The following ADHFE1 variants were observed in gnomAD, a reference collection of about 807,000 sequenced individuals.
ADHFE1 encodes alcohol dehydrogenase iron containing 1.
Under a neutral mutation model 54.8 loss-of-function variants are expected in ADHFE1, and 37 were observed. That is an observed-to-expected ratio of 0.68 (90% confidence interval 0.52 to 0.89). The LOEUF (loss-of-function observed/expected upper bound fraction) is 0.89. Among genes scored for constraint, ADHFE1 ranks in the 40% least tolerant of loss-of-function variants. The pLI, the probability that ADHFE1 is intolerant of heterozygous loss-of-function variation, is 0.00. For missense variants in ADHFE1, 601 were observed against 591.2 expected (o/e 1.02, Z -0.17); for synonymous variants, 203 against 229.3 (o/e 0.89, Z 1.04).
intron 3 of ADHFE1, among the ~76,000 whole-genome samples, chr8:66,443,358 A>G (rs573246695): frequency 3.6e-4 from 50 of 139,288 alleles, no homozygotes; most frequent in African/African-American, 1.1e-3. Context: ...GCTCACTACA[A>G]CCTCCGCCTC....
At chr8:66,443,739 G>C (rs901912109) in intron 3 of ADHFE1, among the ~76,000 whole-genome samples, 4 of 151,780 alleles carry the variant, frequency 2.6e-5, no homozygotes, top group Admixed American at 2.6e-4. Flanking sequence ...TGCATTCCCA[G>C]TTTGCTGGAT....
chr8:66,452,120 A>G lies in ADHFE1; in HGVS notation c.887+15A>G. 6.2e-7 allele frequency: 1 copy of G among 1,613,272 alleles called. No individual in the cohort carries two copies. The highest frequency in any genetic ancestry group is 8.5e-7 in the Non-Finnish European group (1 of 1,179,762). Reference sequence around the variant, plus strand: ...TATCTGAAGAGGTATGTCACCCCGAAGGGGATAGAAATAGAACAGGAGGCC... The same window carrying G: ...TATCTGAAGAGGTATGTCACCCCGAGGGGGATAGAAATAGAACAGGAGGCC... On this transcript the variant is annotated intron_variant, in intron 9 of 13. Coordinates refer to ENST00000396623, the MANE Select transcript of ADHFE1 (RefSeq NM_144650.3).
intron 13 of ADHFE1, among the ~76,000 whole-genome samples, chr8:66,461,640 C>T (rs923135294): frequency 4.6e-5 from 7 of 151,840 alleles, no homozygotes; most frequent in African/African-American, 1.5e-4. Flanking sequence ...CCAGAAAGCA[C>T]GTGACCCATC....
intron 13 of ADHFE1, among the ~76,000 whole-genome samples, 176 bp downstream of exon 13, chr8:66,460,641 C>T (rs552179421): frequency 2.6e-5 from 4 of 152,188 alleles, no homozygotes; most frequent in South Asian, 2.1e-4. Flanking sequence ...GCCAGGCCCT[C>T]GCCTTTCTGT....
intron 12 of ADHFE1, among the ~76,000 whole-genome samples, chr8:66,458,156 T>G (rs115362031): frequency 6.6e-6 from 1 of 152,250 alleles, no homozygotes; most frequent in African/African-American, 2.4e-5. Context: ...TTAAGTAGAC[T>G]TGAATATTTT....
At chr8:66,432,613 G>T in intron 1 of ADHFE1, 38 bp downstream of exon 1, 1 of 1,286,356 alleles carries the variant, frequency 7.8e-7, no homozygotes. Flanking sequence ...GGGACCGCAG[G>T]GTGCCCACGC....
chr8:66,467,967 G>A (rs1267077200), intron 13 of ADHFE1, among the ~76,000 whole-genome samples: 1 of 152,154 alleles, frequency 6.6e-6, no homozygotes, highest in Non-Finnish European at 1.5e-5. Context: ...AGAGGTGGTT[G>A]ACTGACCTAG....
Position 66,465,745 on chromosome 8 carries a change from G to A in ADHFE1, c.1321-2524G>A, listed in dbSNP as rs551757515. ...CTCCTGAGTAACTGGGACTACAGGC[G>A]TGCACCACCACACCCGGCTAATTTT... On this transcript the variant is annotated intron_variant, in intron 13 of 13. Coordinates refer to ENST00000396623, the MANE Select transcript of ADHFE1 (RefSeq NM_144650.3). Among the ~76,000 whole-genome samples the A allele has an allele frequency of 1.7e-3, 264 of 151,812 alleles. 1 individual carries two copies. The highest frequency in any genetic ancestry group is 3.4e-3 in the Middle Eastern group (1 of 294).
chr8:66,457,453 G>A (rs1806645045), intron 12 of ADHFE1, among the ~76,000 whole-genome samples: 2 of 151,382 alleles, frequency 1.3e-5, no homozygotes, highest in South Asian at 2.1e-4. Flanking sequence ...ACTCCAGCCT[G>A]GGAGACAGAG....
chr8:66,460,476 G>C lies in ADHFE1; in HGVS notation c.1320+11G>C. 1 of 1,565,170 alleles carries C rather than the reference G, an allele frequency of 6.4e-7. No homozygotes were observed. On this transcript the variant is annotated intron_variant, in intron 13 of 13. Transcript: ENST00000396623. ...GGAACGCTGCCCCAGGTAAGAGACC[G>C]GCAGGCTCCTCACTCCCTGCGAAGG...
intron 10 of ADHFE1, among the ~76,000 whole-genome samples, chr8:66,454,665 C>A (rs1333616386): frequency 1.3e-5 from 2 of 152,084 alleles, no homozygotes; most frequent in Non-Finnish European, 2.9e-5. Flanking sequence ...ACCAATCCCC[C>A]CACCTTCCCT....
Position 66,445,240 on chromosome 8 carries a change from G to A in ADHFE1, c.376G>A (p.Ala126Thr). 6.2e-7 allele frequency: 1 copy of A among 1,610,020 alleles called. No individual in the cohort carries two copies. The highest frequency in any genetic ancestry group is 8.5e-7 in the Non-Finnish European group (1 of 1,178,790). The change falls in exon 6 of 14, where the codon GCC becomes ACC. Residue 126 changes from alanine (A) to threonine (T), a missense_variant. By Grantham distance (58) the Ala-to-Thr change is moderately conservative. Coordinates refer to ENST00000396623, the MANE Select transcript of ADHFE1 (RefSeq NM_144650.3). The part of the protein sequence containing the change: ...DSSFMEAIEF[A>T]QKGAFDAYVA... ...AAGCTTCATGGAAGCTATTGAGTTT[G>A]CCCAAAAGGGAGCTTTTGATGCCTA... is the stretch of plus-strand genomic sequence containing the variant.
At chr8:66,451,855 G>A (rs1806318855) in intron 8 of ADHFE1, 98 bp from the exon 9 acceptor site, 3 of 1,447,828 alleles carry the variant, frequency 2.1e-6, no homozygotes, top group Admixed American at 1.9e-5. Context: ...TCCACTGTGG[G>A]TTGAGTGCCA....
chr8:66,453,957 C>T, intron 9 of ADHFE1, 102 bp from the exon 10 acceptor site: 1 of 1,544,784 alleles, frequency 6.5e-7, no homozygotes, highest in Non-Finnish European at 8.7e-7. Context: ...TACCGAGTAG[C>T]ATTTCTTTTT....
At chr8:66,462,288 G>A (rs1563495542) in intron 13 of ADHFE1, among the ~76,000 whole-genome samples, 9 of 152,132 alleles carry the variant, frequency 5.9e-5, no homozygotes, top group Admixed American at 6.5e-5. Flanking sequence ...CCGGAGGGAG[G>A]GACAGGGCTG....
intron 7 of ADHFE1, among the ~76,000 whole-genome samples, chr8:66,448,490 C>T (rs1030420): frequency 0.21 from 32,662 of 152,080 alleles, 3,748 homozygotes; most frequent in Admixed American, 0.29. Context: ...AGTTGCAGAG[C>T]GAGGACCAGT....
intron 9 of ADHFE1, among the ~76,000 whole-genome samples, chr8:66,453,472 A>C (rs1352702971): frequency 6.6e-6 from 1 of 152,194 alleles, no homozygotes; most frequent in Non-Finnish European, 1.5e-5. Context: ...GGCTGTGCAC[A>C]ATCAGAAAGG....
chr8:66,443,264 ATTTTTTTTTTTTTTTTTTT>A (rs540464621), intron 3 of ADHFE1, among the ~76,000 whole-genome samples: 1 of 86,092 alleles, frequency 1.2e-5, no homozygotes, highest in Non-Finnish European at 2.4e-5. Flanking sequence ...TAGTCCAGGA[ATTTTTTTTTTTTTTTTTTT>A]TTTTTTTTTT....
intron 9 of ADHFE1, among the ~76,000 whole-genome samples, chr8:66,452,746 A>C (rs1806364958): frequency 6.6e-6 from 1 of 152,212 alleles, no homozygotes; most frequent in Non-Finnish European, 1.5e-5. Flanking sequence ...GTTGTGACAG[A>C]TTTATGAATA....
Sources: allele counts gnomAD v4.1 joint callset (sites outside exome capture counted in the v4.1 genomes callset), GRCh38; gene constraint gnomAD v4.1.1; transcripts MANE v1.5; gene names NCBI Gene and HGNC (gene_info 2026-07-23, HGNC 2026-07-21).